Variants in FSTL5 observed in about 807,000 individuals in gnomAD.
FSTL5 encodes follistatin-related protein 5.
Under a neutral mutation model 89.1 loss-of-function variants are expected in FSTL5, and 62 were observed. The observed-to-expected ratio is 0.70, with a 90% CI of 0.57 to 0.86. The LOEUF (loss-of-function observed/expected upper bound fraction) is 0.86. FSTL5 is among the 40% of genes least tolerant of loss of function. The pLI is 0.00. For missense variants in FSTL5, 1,057 were observed against 1,001.6 expected (o/e 1.06, Z -0.75); for synonymous variants, 383 against 346.2 (o/e 1.11, Z -1.18).
intron 6 of FSTL5, among the ~76,000 whole-genome samples, chr4:161,685,229 C>T (rs994155757): frequency 9.2e-5 from 14 of 151,920 alleles, no homozygotes; most frequent in Middle Eastern, 3.4e-3. Flanking sequence ...TTGTTTATGC[C>T]GGCACTTTTT....
intron 6 of FSTL5, among the ~76,000 whole-genome samples, chr4:161,705,324 T>C (rs1189642889): frequency 1.3e-4 from 20 of 152,046 alleles, no homozygotes; most frequent in Admixed American, 1.3e-3. Flanking sequence ...GGATGACATA[T>C]TTATTTTAGT....
At chr4:161,406,320 G>A (rs371336512) in intron 15 of FSTL5, among the ~76,000 whole-genome samples, 7 of 151,876 alleles carry the variant, frequency 4.6e-5, no homozygotes, top group Admixed American at 2.0e-4. Context: ...TTTGTGAATC[G>A]TCCAGCTTTC....
rs76965791 is a variant in FSTL5, at chr4:161,585,613, G to A, written c.1015+1842C>T. On this transcript the variant is annotated intron_variant, in intron 8 of 15. Coordinates refer to ENST00000306100, the MANE Select transcript of FSTL5 (RefSeq NM_020116.5). The stretch of plus-strand genomic sequence containing the variant: ...AAAAAAAAAAAAAAAAAAAGGCAGG[G>A]CATTAATCTTGTTGAATAGGCAAAC... Among the ~76,000 whole-genome samples, 1,424 of 149,022 alleles carry A rather than the reference G, an allele frequency of 9.6e-3. 23 individuals carry two copies. Among genetic ancestry groups the A allele is most frequent in the African/African-American group, 0.033 (1,334 of 39,988 alleles).
At chr4:162,055,135 A>G (rs1436820232) in intron 2 of FSTL5, among the ~76,000 whole-genome samples, 3 of 151,888 alleles carry the variant, frequency 2.0e-5, no homozygotes, top group African/African-American at 7.3e-5. Context: ...TGGATTGCCT[A>G]TGATGTGCAT....
intron 4 of FSTL5, among the ~76,000 whole-genome samples, chr4:161,819,923 A>G (rs527883650): frequency 2.6e-5 from 4 of 152,164 alleles, no homozygotes; most frequent in African/African-American, 9.6e-5. Context: ...CCACAACATA[A>G]TGAGAAAAAG....
intron 6 of FSTL5, among the ~76,000 whole-genome samples, chr4:161,671,817 T>C (rs569243069): frequency 8.5e-5 from 13 of 152,172 alleles, no homozygotes; most frequent in Non-Finnish European, 1.5e-4. Flanking sequence ...ATGGAATTTC[T>C]AGTCCGTGAC....
chr4:162,079,246 T>A (rs1729990002), intron 2 of FSTL5, among the ~76,000 whole-genome samples: 1 of 151,718 alleles, frequency 6.6e-6, no homozygotes, highest in South Asian at 2.1e-4. Flanking sequence ...ACAAAATTAG[T>A]GCAATGAATA....
chr4:162,072,568 T>C (rs990605425), intron 2 of FSTL5, among the ~76,000 whole-genome samples: 7 of 151,950 alleles, frequency 4.6e-5, no homozygotes, highest in African/African-American at 1.7e-4. Flanking sequence ...TATAATTAGA[T>C]AACAAATATA....
chr4:161,841,189 G>A (rs1731201061), intron 4 of FSTL5, among the ~76,000 whole-genome samples: 1 of 152,042 alleles, frequency 6.6e-6, no homozygotes, highest in Non-Finnish European at 1.5e-5. Flanking sequence ...TCATGAAATT[G>A]CTCAAAGTGC....
intron 3 of FSTL5, among the ~76,000 whole-genome samples, chr4:161,935,519 A>G (rs950894433): frequency 6.6e-6 from 1 of 152,150 alleles, no homozygotes; most frequent in Non-Finnish European, 1.5e-5. Flanking sequence ...AATTTGATTG[A>G]CATTTAGTGC....
chr4:161,994,008 G>A (rs1736216747), intron 3 of FSTL5, among the ~76,000 whole-genome samples: 1 of 152,076 alleles, frequency 6.6e-6, no homozygotes, highest in African/African-American at 2.4e-5. Context: ...ATTAAGCCTA[G>A]TACCTAATAG....
intron 1 of FSTL5, among the ~76,000 whole-genome samples, chr4:162,144,156 C>G (rs866327631): frequency 3.9e-5 from 6 of 152,120 alleles, no homozygotes; most frequent in Admixed American, 2.6e-4. Flanking sequence ...TGCCTAGAGA[C>G]TGGTCTGCGG....
chr4:162,066,317 C>CTTCTT (rs1553996268), intron 2 of FSTL5, among the ~76,000 whole-genome samples: 11 of 89,568 alleles, frequency 1.2e-4, no homozygotes, highest in African/African-American at 4.9e-4. Context: ...TCTTCTTCTT[C>CTTCTT]TTCTTCTTCT....
intron 1 of FSTL5, among the ~76,000 whole-genome samples, chr4:162,126,271 CT>C (rs573271599): frequency 5.5e-4 from 83 of 152,032 alleles, no homozygotes; most frequent in African/African-American, 1.9e-3. Flanking sequence ...TTCTTTGTAT[CT>C]TAAAATTTTT....
At chr4:162,101,172 C>A (rs1192294352) in intron 2 of FSTL5, among the ~76,000 whole-genome samples, 1 of 152,148 alleles carries the variant, frequency 6.6e-6, no homozygotes, top group African/African-American at 2.4e-5. Context: ...TAGAGACTAC[C>A]TCCTATAAAG....
Position 161,919,288 on chromosome 4 carries a change from C to T in FSTL5, c.409+1116G>A, listed in dbSNP as rs183203907. On this transcript the variant is annotated intron_variant, in intron 4 of 15. Transcript: ENST00000306100. ...ATGTATGTAAGAGGCACACAGTACA[C>T]TATGGTAAGTAAATTATCCCAGTTT... is the stretch of plus-strand genomic sequence containing the variant. Among the ~76,000 whole-genome samples the T allele has an allele frequency of 2.2e-4, 33 of 152,270 alleles. No individual in the cohort carries two copies. The East Asian group carries it at 6.0e-3, about 28-fold the overall frequency.
chr4:162,136,116 TAA>T (rs1438423612), intron 1 of FSTL5, among the ~76,000 whole-genome samples: 3 of 151,996 alleles, frequency 2.0e-5, no homozygotes, highest in Non-Finnish European at 2.9e-5. Flanking sequence ...AAACATGTCT[TAA>T]GTTAAAAAAT....
At chr4:161,416,339 C>G (rs1008793381) in intron 15 of FSTL5, among the ~76,000 whole-genome samples, 1 of 152,130 alleles carries the variant, frequency 6.6e-6, no homozygotes, top group Non-Finnish European at 1.5e-5. Flanking sequence ...GTGCCATTAA[C>G]AACTTTAAAA....
intron 4 of FSTL5, among the ~76,000 whole-genome samples, chr4:161,828,655 T>C (rs1263996788): frequency 6.6e-6 from 1 of 151,722 alleles, no homozygotes; most frequent in African/African-American, 2.4e-5. Context: ...CTAGATTATA[T>C]TATTTTCCTC....
Sources: gnomAD v4.1 joint callset for allele counts (sites outside exome capture counted in the v4.1 genomes callset) on GRCh38, gnomAD v4.1.1 for gene constraint, MANE v1.5 for transcripts, NCBI Gene and HGNC (gene_info 2026-07-23, HGNC 2026-07-21) for gene names.